The following AGAP4 variants were observed in gnomAD, a reference collection of about 807,000 sequenced individuals.
AGAP4 encodes arf-GAP with GTPase, ANK repeat and PH domain-containing protein 4.
Under a neutral mutation model 60.7 loss-of-function variants are expected in AGAP4, and 13 were observed. The ratio of observed to expected loss-of-function variants is 0.21; its 90% confidence interval spans 0.14 to 0.34. The LOEUF is 0.34. AGAP4 is among the 10% of genes least tolerant of loss of function. AGAP4 has a pLI of 1.00. For synonymous variants in AGAP4, 70 were observed against 339.0 expected (o/e 0.21, Z 8.72); for missense variants, 169 against 884.0 (o/e 0.19, Z 10.26).
At chr10:45,852,523 A>C (rs2059097896) in intron 1 of AGAP4, among the ~76,000 whole-genome samples, 2 of 151,448 alleles carry the variant, frequency 1.3e-5, no homozygotes, top group African/African-American at 4.9e-5. Context: ...CAGTTGCAAA[A>C]TGTGTGACTA....
At chr10:45,837,079 C>G (rs1244069158) in intron 4 of AGAP4, among the ~76,000 whole-genome samples, 1 of 137,120 alleles carries the variant, frequency 7.3e-6, no homozygotes, top group Non-Finnish European at 1.6e-5. Flanking sequence ...GTTGGCCAGG[C>G]TGGTCTCGAA....
chr10:45,838,257 A>AT, intron 4 of AGAP4, among the ~76,000 whole-genome samples: 1 of 150,796 alleles, frequency 6.6e-6, no homozygotes, highest in Non-Finnish European at 1.5e-5. Context: ...ATGCAAAGCC[A>AT]TAAGAATGAT....
upstream of AGAP4, among the ~76,000 whole-genome samples, chr10:45,851,275 A>G (rs1229640394): frequency 0.018 from 2,689 of 151,964 alleles, 40 homozygotes; most frequent in Non-Finnish European, 0.024. Context: ...GTGAGCACTG[A>G]GACTCAAGAG....
rs1233928673 is a variant in AGAP4 at position 45,828,642 on chromosome 10, A to G, written c.534-562T>C. On this transcript the variant is annotated intron_variant, in intron 6 of 7. Transcript: ENST00000616763. ...AAATGTGCTCTGTGGACCTCTCGGGATCCCGAAGACCCCTTCCAGAAGGCC... is the reference window on the plus strand; with the variant it reads ...AAATGTGCTCTGTGGACCTCTCGGGGTCCCGAAGACCCCTTCCAGAAGGCC... Among the ~76,000 whole-genome samples the G allele has an allele frequency of 3.6e-5, 5 of 139,780 alleles. No homozygotes were observed. The East Asian group carries it at 8.3e-4, about 23-fold the overall frequency. The allele number at this position is 139,780 out of a possible 152,430, so 91.7% of individuals were successfully genotyped here.
chr10:45,829,577 C>T (rs1363366736), intron 6 of AGAP4, among the ~76,000 whole-genome samples: 9 of 152,262 alleles, frequency 5.9e-5, no homozygotes, highest in East Asian at 5.8e-4. Context: ...ATTAGCCTGG[C>T]GTGGTGCCAC....
At chr10:45,840,080 T>A (rs1169610650) in intron 4 of AGAP4, among the ~76,000 whole-genome samples, 5 of 149,116 alleles carry the variant, frequency 3.4e-5, no homozygotes, top group Admixed American at 6.6e-5. Flanking sequence ...GTCTGCAGGT[T>A]TAGTAGCCTC....
upstream of AGAP4, among the ~76,000 whole-genome samples, chr10:45,849,729 C>G (rs1358270142): frequency 6.6e-6 from 1 of 151,384 alleles, no homozygotes; most frequent in Non-Finnish European, 1.5e-5. Context: ...CAACCTCCGC[C>G]TCCTGGGCTC....
chr10:45,847,602 C>A (rs1186462513), upstream of AGAP4: 1 of 1,421,182 alleles, frequency 7.0e-7, no homozygotes, highest in Non-Finnish European at 9.2e-7. Flanking sequence ...GAAGACCAGC[C>A]GGCTTATTTA....
chr10:45,849,841 C>T (rs1300337463), upstream of AGAP4, among the ~76,000 whole-genome samples: 9 of 151,102 alleles, frequency 6.0e-5, no homozygotes, highest in Admixed American at 4.0e-4. Context: ...GGTTTCTGCA[C>T]GTTGGTCAGG....
intron 1 of AGAP4, among the ~76,000 whole-genome samples, chr10:45,852,738 CTCAGTT>C (rs1469410578): frequency 6.6e-6 from 1 of 151,946 alleles, no homozygotes; most frequent in African/African-American, 2.4e-5. Context: ...TTCAAGAAAG[CTCAGTT>C]TCAGTAACCA....
At position 45,845,537 on chromosome 10, in the gene AGAP4, T is replaced by C. The variant is rs1443272800; in HGVS notation, c.293-1143A>G. On this transcript the variant is annotated intron_variant, in intron 2 of 7. Coordinates refer to ENST00000616763, the MANE Select transcript of AGAP4 (RefSeq NM_001276343.3). ...AGAGGCAAACGAACTAATTGTTTTC[T>C]CTTTTCTACCGGCTCCCATCCCCTG... is the stretch of plus-strand genomic sequence containing the variant. 4.4e-5 allele frequency among the ~76,000 whole-genome samples: 5 copies of C among 113,936 alleles called. 2 individuals carry two copies. Among genetic ancestry groups the C allele is most frequent in the Non-Finnish European group, 9.6e-5 (5 of 51,896 alleles). 74.7% of individuals were successfully genotyped at this position (113,936 alleles called of 152,430 possible).
chr10:45,849,848 C>G (rs1378728476), upstream of AGAP4, among the ~76,000 whole-genome samples: 22 of 151,402 alleles, frequency 1.5e-4, no homozygotes, highest in African/African-American at 4.1e-4. Flanking sequence ...GCACGTTGGT[C>G]AGGCCCGCCT....
chr10:45,847,328 C>T lies in AGAP4; in HGVS notation c.20G>A (p.Cys7Tyr). Residue 7 changes from cysteine to tyrosine, a missense_variant, in exon 1 of 8, where the codon TGT (cysteine) becomes TAT (tyrosine). Cys to Tyr is a radical substitution (Grantham distance 194). Transcript: ENST00000616763. ...GAGGCTGACGCTAGGGTGCACACGA[C>T]AGGTCAGTATGTTCCCCATGGGGCG... The part of the protein sequence containing the change: MGNILT[C>Y]RVHPSVSLEF... 2 of 1,596,388 alleles carry T rather than the reference C, an allele frequency of 1.3e-6. No homozygotes were observed. The highest frequency in any genetic ancestry group is 1.1e-5 in the South Asian group (1 of 90,764).
chr10:45,853,969 C>T (rs2059112262), upstream of AGAP4: 5 of 1,089,874 alleles, frequency 4.6e-6, no homozygotes, highest in Admixed American at 7.8e-5. Context: ...GGGGGGACAA[C>T]TTCACTGTGG....
chr10:45,851,382 C>T (rs1391400779), upstream of AGAP4, among the ~76,000 whole-genome samples: 5 of 151,950 alleles, frequency 3.3e-5, no homozygotes, highest in African/African-American at 1.2e-4. Context: ...TAGCACAGTG[C>T]CTGTTCAATA....
chr10:45,830,746 A>T (rs1355094190), intron 6 of AGAP4, among the ~76,000 whole-genome samples: 1 of 129,524 alleles, frequency 7.7e-6, no homozygotes, highest in Non-Finnish European at 1.7e-5. Context: ...CAGCCTCCCA[A>T]AGTGCTGGGA....
chr10:45,841,812 T>G, intron 3 of AGAP4, 125 bp from the exon 4 acceptor site: 2 of 1,130,914 alleles, frequency 1.8e-6, no homozygotes, highest in Non-Finnish European at 2.4e-6. Flanking sequence ...AAAAAAATTT[T>G]CAATAACATA....
intron 3 of AGAP4, among the ~76,000 whole-genome samples, chr10:45,843,571 TG>T (rs1424061474): frequency 2.0e-4 from 26 of 128,786 alleles, no homozygotes; most frequent in Non-Finnish European, 2.5e-4. Context: ...TGACTCAAGA[TG>T]GGCAAAGTCT....
intron 5 of AGAP4, among the ~76,000 whole-genome samples, chr10:45,832,108 G>T (rs1291137911): frequency 1.5e-5 from 2 of 136,858 alleles, no homozygotes; most frequent in African/African-American, 5.4e-5. Flanking sequence ...ACAACTGAGG[G>T]AAGGCAAATC....
Sources: gnomAD v4.1 joint callset for allele counts (sites outside exome capture counted in the v4.1 genomes callset) on GRCh38, gnomAD v4.1.1 for gene constraint, MANE v1.5 for transcripts, NCBI Gene and HGNC (gene_info 2026-07-23, HGNC 2026-07-21) for gene names.